Variants in MMAA observed in about 807,000 individuals in gnomAD.
MMAA encodes the protein metabolism of cobalamin associated A.
Under a neutral mutation model 45.0 loss-of-function variants are expected in MMAA, and 41 were observed. That is an observed-to-expected ratio of 0.91 (90% CI 0.71 to 1.18). MMAA has a LOEUF of 1.18. Among genes scored for constraint, MMAA ranks in the 50% most tolerant of loss-of-function variants. The pLI is 0.00. For missense variants in MMAA, 460 were observed against 495.7 expected (o/e 0.93, Z 0.68); for synonymous variants, 154 against 178.2 (o/e 0.86, Z 1.08).
At chr4:145,625,759 A>G in intron 1 of MMAA, 4 of 1,286,410 alleles carry the variant, frequency 3.1e-6, no homozygotes, top group South Asian at 1.2e-5. Flanking sequence ...GATAACCAGT[A>G]GAGCTGCTGA....
In MMAA at chr4:145,639,191, A is replaced by C. The variant is rs1560795722; in HGVS notation, c.52A>C (p.Arg18=). Residue 18 remains arginine, a synonymous_variant, in exon 2 of 7, where the codon AGA becomes CGA. Transcript: ENST00000649156. ...PHQHFLKGLL[R]APFRCYHFIF... is the part of the protein sequence containing the mutation. The stretch of plus-strand genomic sequence containing the variant: ...CCAGCATTTCCTAAAAGGCCTTTTA[A>C]GAGCACCTTTCCGATGTTACCACTT... The C allele has an allele frequency of 6.2e-7, 1 of 1,614,210 alleles. No individual in the cohort carries two copies. Among genetic ancestry groups the C allele is most frequent in the African/African-American group, 1.3e-5 (1 of 75,052 alleles).
At chr4:145,639,035 T>C in intron 1 of MMAA, 40 bp from the exon 2 acceptor site, 1 of 1,013,490 alleles carries the variant, frequency 9.9e-7, no homozygotes, top group Non-Finnish European at 1.6e-6. Flanking sequence ...AGTATTTTAG[T>C]TATATATCGA....
At chr4:145,650,909 C>T (rs1728070107) in intron 4 of MMAA, 153 bp from the exon 5 acceptor site, 3 of 717,244 alleles carry the variant, frequency 4.2e-6, no homozygotes, top group Non-Finnish European at 2.5e-6. Flanking sequence ...ACATTTAATA[C>T]ATTCTTCAGA....
intron 2 of MMAA, among the ~76,000 whole-genome samples, chr4:145,640,406 C>T (rs1183759370): frequency 6.6e-6 from 1 of 151,950 alleles, no homozygotes; most frequent in Non-Finnish European, 1.5e-5. Flanking sequence ...AACTACTGTG[C>T]TCAGCTATTT....
intron 2 of MMAA, chr4:145,639,803 T>G (rs1028425223): frequency 9.1e-6 from 9 of 984,582 alleles, no homozygotes; most frequent in Non-Finnish European, 7.2e-6. Flanking sequence ...AATATAAGAT[T>G]TTTACTTTGG....
At chr4:145,647,843 G>GGTTTGTTT (rs113872289) in intron 4 of MMAA, among the ~76,000 whole-genome samples, 109 of 151,948 alleles carry the variant, frequency 7.2e-4, no homozygotes, top group African/African-American at 2.5e-3. Flanking sequence ...ATAGGAATGT[G>GGTTTGTTT]GTTTGTTTGT....
chr4:145,635,091 G>A (rs778969388), intron 1 of MMAA, among the ~76,000 whole-genome samples: 1 of 152,028 alleles, frequency 6.6e-6, no homozygotes, highest in Admixed American at 6.6e-5. Flanking sequence ...CCCCCTCCCT[G>A]AAACCCCCTA....
intron 1 of MMAA, among the ~76,000 whole-genome samples, chr4:145,621,243 T>C (rs947920559): frequency 1.3e-5 from 2 of 152,196 alleles, no homozygotes; most frequent in Admixed American, 6.5e-5. Flanking sequence ...GGTTCCATAG[T>C]TGGTCTCAGA....
chr4:145,627,377 A>G (rs985369163), intron 1 of MMAA, among the ~76,000 whole-genome samples: 1 of 152,214 alleles, frequency 6.6e-6, no homozygotes, highest in Non-Finnish European at 1.5e-5. Context: ...AATGTCCTTC[A>G]GTCACACAGG....
rs1220939677 is a variant in MMAA at position 145,660,028 on chromosome 4, C to G, written c.*4594C>G. ...CCCTATGAGATAAAACTTTTTTTGT[C>G]TTCCATATGAGTGGGATCATGTAGT... is the stretch of plus-strand genomic sequence containing the variant. On this transcript the variant is annotated 3_prime_UTR_variant, in exon 7 of 7. Transcript: ENST00000649156. The G allele has an allele frequency of 6.6e-6, 1 of 151,860 alleles. No homozygotes were observed. The highest frequency in any genetic ancestry group is 1.5e-5 in the Non-Finnish European group (1 of 67,966). 9.4% of individuals were successfully genotyped at this position (151,860 alleles called of 1,614,324 possible).
chr4:145,646,107 T>C lies in MMAA; in HGVS notation c.684T>C (p.Ile228=). ...TGACAAGGACCACAAATGAAGCTAT[T>C]CTGTTGTGTGAAGGAGCGGGATATG... The part of the protein sequence containing the change: ...GGVTRTTNEA[I]LLCEGAGYDI... Residue 228 remains isoleucine, a synonymous_variant, in exon 4 of 7, where the codon ATT becomes ATC. Transcript: ENST00000649156. The C allele has an allele frequency of 6.2e-7, 1 of 1,614,102 alleles. No individual in the cohort carries two copies. The highest frequency in any genetic ancestry group is 1.3e-5 in the African/African-American group (1 of 75,046).
intron 1 of MMAA, among the ~76,000 whole-genome samples, chr4:145,629,495 A>G (rs1734280284): frequency 6.6e-6 from 1 of 152,174 alleles, no homozygotes; most frequent in African/African-American, 2.4e-5. Context: ...TCATTCTATA[A>G]GGCCAGTATT....
At position 145,639,103 on chromosome 4, in the gene MMAA, G is replaced by A. The variant is rs774967096; in HGVS notation, c.-37G>A. 14 of 1,597,764 alleles carry A rather than the reference G, an allele frequency of 8.8e-6. No homozygotes were observed. The highest frequency in any genetic ancestry group is 2.7e-5 in the African/African-American group (2 of 74,560). ...GGTCACAATCACATTGAGCCAAAAC[G>A]CATCCAGTGTTTTCTCCAGTTACAA... On this transcript the variant is annotated 5_prime_UTR_variant, in exon 2 of 7. Transcript: ENST00000649156.
chr4:145,625,478 A>G (rs147001844), intron 1 of MMAA: 8 of 718,508 alleles, frequency 1.1e-5, no homozygotes, highest in Non-Finnish European at 2.1e-5. Context: ...CTGCTCTGGC[A>G]TAGGGATATA....
intron 1 of MMAA, among the ~76,000 whole-genome samples, chr4:145,633,569 A>G (rs569498609): frequency 6.6e-6 from 1 of 152,078 alleles, no homozygotes; most frequent in East Asian, 1.9e-4. Context: ...ACATATCTCT[A>G]TTTCTCCAGG....
chr4:145,649,604 C>T (rs1728033427), intron 4 of MMAA, among the ~76,000 whole-genome samples: 1 of 152,160 alleles, frequency 6.6e-6, no homozygotes, highest in African/African-American at 2.4e-5. Flanking sequence ...GTTGCTTTGA[C>T]TCATTCATCA....
At chr4:145,648,699 C>T (rs1728008507) in intron 4 of MMAA, among the ~76,000 whole-genome samples, 2 of 152,138 alleles carry the variant, frequency 1.3e-5, no homozygotes, top group Non-Finnish European at 1.5e-5. Context: ...ATAAAAGAGA[C>T]CTAGAGCGGG....
At chr4:145,651,264 T>G in intron 5 of MMAA, 117 bp downstream of exon 5, 1 of 891,732 alleles carries the variant, frequency 1.1e-6, no homozygotes, top group Non-Finnish European at 1.8e-6. Context: ...TGAAATATCA[T>G]TCATGTTGGC....
Position 145,655,696 on chromosome 4 carries a change from T to G in MMAA, c.*262T>G, listed in dbSNP as rs900060416. On this transcript the variant is annotated 3_prime_UTR_variant, in exon 7 of 7. Coordinates refer to ENST00000649156, the MANE Select transcript of MMAA (RefSeq NM_172250.3). ...CATGGTGGCCTGTAGGGTAGTTTCTTCTTAATAGTCAAGAACAGAGAAAGC... is the reference window on the plus strand; with the variant it reads ...CATGGTGGCCTGTAGGGTAGTTTCTGCTTAATAGTCAAGAACAGAGAAAGC... 2.5e-5 allele frequency: 8 copies of G among 324,826 alleles called. No homozygotes were observed. Among genetic ancestry groups the G allele is most frequent in the African/African-American group, 1.7e-4 (8 of 46,296 alleles). 20.1% of individuals were successfully genotyped at this position (324,826 alleles called of 1,614,324 possible).
Sources: allele counts gnomAD v4.1 joint callset (sites outside exome capture counted in the v4.1 genomes callset), GRCh38; gene constraint gnomAD v4.1.1; transcripts MANE v1.5; gene names NCBI Gene and HGNC (gene_info 2026-07-23, HGNC 2026-07-21).